Variants in CDC42BPA observed in about 807,000 individuals in gnomAD.
The protein encoded by CDC42BPA is CDC42 binding protein kinase alpha.
CDC42BPA carries 80 observed loss-of-function variants against 223.5 expected under a neutral mutation model. The ratio of observed to expected loss-of-function variants is 0.36; its 90% confidence interval spans 0.30 to 0.43. CDC42BPA has a LOEUF of 0.43. CDC42BPA is among the 20% of genes least tolerant of loss of function. The probability of loss-of-function intolerance (pLI) is 1.00; values close to 1 mark genes in which losing one functional copy is unlikely to be tolerated. For synonymous variants in CDC42BPA, 694 were observed against 718.6 expected, an observed-to-expected ratio of 0.97 and a Z score of 0.55; for missense variants, 1,743 against 2,099.9, an observed-to-expected ratio of 0.83 and a Z score of 3.32.
chr1:227,002,519 C>G (rs1482116364), intron 35 of CDC42BPA, among the ~76,000 whole-genome samples: 2 of 152,222 alleles, frequency 1.3e-5, no homozygotes, highest in South Asian at 4.1e-4. Context: ...ATCGTCCCTT[C>G]TAGTATTCAC....
chr1:227,051,772 A>G, intron 22 of CDC42BPA, 109 bp downstream of exon 22: 3 of 551,908 alleles, frequency 5.4e-6, no homozygotes, highest in South Asian at 4.6e-5. Flanking sequence ...AATAGACTGT[A>G]ACTTATTACA....
At chr1:227,293,725 C>T (rs992457617) in intron 1 of CDC42BPA, among the ~76,000 whole-genome samples, 4 of 152,044 alleles carry the variant, frequency 2.6e-5, no homozygotes, top group African/African-American at 7.2e-5. Flanking sequence ...GCAGAAGAAT[C>T]GCCTGAACCT....
At chr1:227,283,031 T>C (rs775917903) in intron 1 of CDC42BPA, among the ~76,000 whole-genome samples, 13 of 152,180 alleles carry the variant, frequency 8.5e-5, no homozygotes, top group Non-Finnish European at 1.8e-4. Context: ...TTTAAATAAC[T>C]TTTTATAATT....
At chr1:227,008,540 T>G (rs555799130) in intron 34 of CDC42BPA, among the ~76,000 whole-genome samples, 1 of 152,150 alleles carries the variant, frequency 6.6e-6, no homozygotes, top group Admixed American at 6.5e-5. Context: ...CCAGTTGCCA[T>G]GCAATTGTGA....
intron 34 of CDC42BPA, chr1:227,010,981 G>C: frequency 7.3e-7 from 1 of 1,363,006 alleles, no homozygotes; most frequent in East Asian, 4.6e-5. Flanking sequence ...AGAATTAACA[G>C]TCATGTGATA....
intron 21 of CDC42BPA, among the ~76,000 whole-genome samples, chr1:227,055,015 G>A (rs1411004173): frequency 6.6e-6 from 1 of 151,792 alleles, no homozygotes; most frequent in Non-Finnish European, 1.5e-5. Context: ...GTTGAACTAT[G>A]CCATTTATAG....
intron 2 of CDC42BPA, among the ~76,000 whole-genome samples, chr1:227,222,395 T>C (rs924297916): frequency 2.0e-5 from 3 of 151,928 alleles, no homozygotes; most frequent in African/African-American, 7.3e-5. Flanking sequence ...GCTACTCGTG[T>C]GGCTGAGGCA....
chr1:227,206,059 T>C (rs1357070917), intron 3 of CDC42BPA, among the ~76,000 whole-genome samples: 7 of 152,238 alleles, frequency 4.6e-5, no homozygotes, highest in Non-Finnish European at 7.4e-5. Flanking sequence ...ATAAATAAAA[T>C]GTTTTTAAAA....
chr1:227,266,006 GTTAC>G (rs1404525816), intron 1 of CDC42BPA, among the ~76,000 whole-genome samples: 7 of 152,144 alleles, frequency 4.6e-5, no homozygotes, highest in African/African-American at 1.4e-4. Context: ...TACTTTGTAA[GTTAC>G]TTAAACAAAT....
intron 3 of CDC42BPA, among the ~76,000 whole-genome samples, chr1:227,209,465 T>C (rs28793581): frequency 0.21 from 25,560 of 119,686 alleles, 2,898 homozygotes; most frequent in East Asian, 0.25. Flanking sequence ...CCAGCTTTTG[T>C]CCATTCAGTA....
chr1:227,182,417 T>G (rs1267461282), intron 5 of CDC42BPA, among the ~76,000 whole-genome samples: 1 of 152,188 alleles, frequency 6.6e-6, no homozygotes, highest in Non-Finnish European at 1.5e-5. Flanking sequence ...TTTCTTGGGC[T>G]TGGTTTCCAG....
intron 1 of CDC42BPA, among the ~76,000 whole-genome samples, chr1:227,295,666 A>C (rs1690528848): frequency 6.6e-6 from 1 of 152,250 alleles, no homozygotes; most frequent in Non-Finnish European, 1.5e-5. Flanking sequence ...AGACATTTGA[A>C]GGTCCAATGC....
In CDC42BPA at chr1:227,317,099, C is replaced by T. The variant is rs1694535414; in HGVS notation, c.84G>A (p.Val28=). The T allele has an allele frequency of 1.2e-6, 2 of 1,614,058 alleles. No homozygotes were observed. Among genetic ancestry groups the T allele is most frequent in the Non-Finnish European group, 1.7e-6 (2 of 1,179,936 alleles). The part of the protein sequence containing the change: ...PAQTNGQCFS[V]ETLLDILICL... ...AGATGAGTATATCCAGTAATGTCTC[C>T]ACACTGAAGCACTGCCCATTGGTCT... is the stretch of plus-strand genomic sequence containing the variant. Residue 28 remains valine (V), a synonymous_variant, in exon 1 of 37, where the codon GTG becomes GTA. Transcript: ENST00000366766.
chr1:227,090,488 A>C (rs757089162), intron 16 of CDC42BPA, among the ~76,000 whole-genome samples: 61 of 152,240 alleles, frequency 4.0e-4, no homozygotes, highest in Non-Finnish European at 7.8e-4. Context: ...AAATTTAAGT[A>C]GAATTATTAA....
intron 23 of CDC42BPA, among the ~76,000 whole-genome samples, chr1:227,040,862 G>T (rs2148763461): frequency 6.6e-6 from 1 of 152,272 alleles, no homozygotes; most frequent in Admixed American, 6.5e-5. Flanking sequence ...AGTCTTACCT[G>T]ATTTACATGG....
chr1:227,250,905 T>C (rs1681885173), intron 2 of CDC42BPA, among the ~76,000 whole-genome samples: 1 of 151,768 alleles, frequency 6.6e-6, no homozygotes, highest in Admixed American at 6.6e-5. Flanking sequence ...ATTTACAAAT[T>C]AGCCAAGCAT....
intron 15 of CDC42BPA, among the ~76,000 whole-genome samples, chr1:227,095,223 T>A (rs189609793): frequency 6.6e-6 from 1 of 152,360 alleles, no homozygotes; most frequent in African/African-American, 2.4e-5. Context: ...TGTGTTTCAT[T>A]TGGAAATCTG....
At chr1:227,231,035 TGCA>T (rs1558821733) in intron 2 of CDC42BPA, among the ~76,000 whole-genome samples, 1 of 152,018 alleles carries the variant, frequency 6.6e-6, no homozygotes, top group Non-Finnish European at 1.5e-5. Context: ...GTGCACAACG[TGCA>T]GGTTTGTTAC....
intron 1 of CDC42BPA, among the ~76,000 whole-genome samples, chr1:227,267,125 T>A (rs563012215): frequency 6.6e-6 from 1 of 152,338 alleles, no homozygotes; most frequent in East Asian, 1.9e-4. Flanking sequence ...TTGGTCCTAC[T>A]AAGAAAATGC....
Sources: gnomAD v4.1 joint callset for allele counts (sites outside exome capture counted in the v4.1 genomes callset) on GRCh38, gnomAD v4.1.1 for gene constraint, MANE v1.5 for transcripts, NCBI Gene and HGNC (gene_info 2026-07-23, HGNC 2026-07-21) for gene names.